The following KMT2C variants were observed in gnomAD, a reference collection of about 807,000 sequenced individuals.
KMT2C encodes lysine methyltransferase 2C.
In KMT2C, 88 loss-of-function variants were observed where a neutral mutation model predicts 507.9. The ratio of observed to expected loss-of-function variants is 0.17; its 90% CI spans 0.15 to 0.21. The LOEUF (loss-of-function observed/expected upper bound fraction) is 0.21. Ranked by LOEUF, KMT2C falls within the 10% of genes least tolerant of loss-of-function variation. KMT2C has a pLI of 1.00. For synonymous variants in KMT2C, 2,049 were observed against 2,080.8 expected (o/e 0.98, Z 0.42); for missense variants, 4,954 against 5,957.8 (o/e 0.83, Z 5.55).
intron 44 of KMT2C, 26 bp downstream of exon 44, chr7:152,158,837 G>C (rs111293424): frequency 2.1e-5 from 34 of 1,607,116 alleles, no homozygotes; most frequent in Non-Finnish European, 2.8e-5. Context: ...TTTTAAAAGA[G>C]GCTGCTCTAA....
At chr7:152,210,388 C>G (rs2094427692) in intron 23 of KMT2C, among the ~76,000 whole-genome samples, 1 of 152,214 alleles carries the variant, frequency 6.6e-6, no homozygotes, top group African/African-American at 2.4e-5. Flanking sequence ...CAGTCTCCAT[C>G]TTTAGTTCTT....
At chr7:152,285,669 C>A (rs2096284081) in intron 6 of KMT2C, among the ~76,000 whole-genome samples, 2 of 152,198 alleles carry the variant, frequency 1.3e-5, no homozygotes, top group Admixed American at 1.3e-4. Flanking sequence ...AGCAGAATAT[C>A]ATTGGCTAAA....
At chr7:152,432,546 G>A (rs918770252) in intron 1 of KMT2C, among the ~76,000 whole-genome samples, 2 of 152,134 alleles carry the variant, frequency 1.3e-5, no homozygotes, top group Non-Finnish European at 2.9e-5. Flanking sequence ...TGTGCCACTT[G>A]ACATTTGTAC....
chr7:152,435,975 TCACACACATCGGCGCGGG>T lies in KMT2C; in HGVS notation c.-207_-190del, dbSNP rs2097913477. On this transcript the variant is annotated 5_prime_UTR_variant, in exon 1 of 59. The change abolishes an upstream ATG in the 5' untranslated region. Transcript: ENST00000262189. The stretch of plus-strand genomic sequence containing the variant: ...AACATGGAGCGAGCAGGACACGCAC[TCACACACATCGGCGCGGG>T]CGCGCGCACCTCCGCGCGCAGGGGC... The T allele has an allele frequency of 2.8e-6, 1 of 362,804 alleles. No homozygotes were observed. The highest frequency in any genetic ancestry group is 5.3e-5 in the Admixed American group (1 of 18,850). The allele number at this position is 362,804 out of a possible 1,614,324, so 22.5% of individuals were successfully genotyped here.
rs2090919444 is a variant in KMT2C, at chr7:152,144,542, T to A, written c.14343+171A>T. Among the ~76,000 whole-genome samples the A allele has an allele frequency of 6.6e-6, 1 of 152,216 alleles. No individual in the cohort carries two copies. Among genetic ancestry groups the A allele is most frequent in the Admixed American group, 6.5e-5 (1 of 15,280 alleles). ...GAAGCCAATCACCAAGTCCCAAGAC[T>A]ACATATTAAATCCCTAGTGTTACCA... is the stretch of plus-strand genomic sequence containing the variant. On this transcript the variant is annotated intron_variant, in intron 55 of 58. Coordinates refer to ENST00000262189, the MANE Select transcript of KMT2C (RefSeq NM_170606.3). This position sits in a 1 kb window ranked among gnomAD's most constrained non-coding sequence, Gnocchi z 4.4.
intron 1 of KMT2C, among the ~76,000 whole-genome samples, chr7:152,381,358 A>AG (rs1287901098): frequency 3.0e-3 from 142 of 46,766 alleles, no homozygotes; most frequent in Non-Finnish European, 4.0e-3. Flanking sequence ...GGGGGCAGGG[A>AG]GGGGGGGAGG....
chr7:152,318,521 G>C (rs2096742413), intron 3 of KMT2C, among the ~76,000 whole-genome samples: 1 of 149,518 alleles, frequency 6.7e-6, no homozygotes. Flanking sequence ...CAGCTACTCG[G>C]GAGGCTGAGG....
chr7:152,360,478 C>CAA (rs201956551), intron 1 of KMT2C, among the ~76,000 whole-genome samples: 1 of 139,600 alleles, frequency 7.2e-6, no homozygotes, highest in African/African-American at 2.6e-5. Context: ...AACTCTGTCT[C>CAA]AAAAAAAAAA....
chr7:152,157,964 A>C (rs2092180518), intron 44 of KMT2C: 1 of 1,272,650 alleles, frequency 7.9e-7, no homozygotes, highest in African/African-American at 1.5e-5. Flanking sequence ...TACATGATAA[A>C]AGGAACTCAG....
At position 152,177,082 on chromosome 7, in the gene KMT2C, A is replaced by C; in HGVS notation, c.8371T>G (p.Ser2791Ala). ...IDDKLDNQCV[S>A]VEPKKKEQEN... Reference sequence around the variant, plus strand: ...TGTTCCTTTTTTTTTGGTTCAACAGATACACACTGATTATCTAACTTATCA... The same window carrying C: ...TGTTCCTTTTTTTTTGGTTCAACAGCTACACACTGATTATCTAACTTATCA... The change falls in exon 38 of 59, where the codon TCT becomes GCT. Residue 2791 changes from serine to alanine, a missense_variant. Coordinates refer to ENST00000262189, the MANE Select transcript of KMT2C (RefSeq NM_170606.3). 2 of 1,612,854 alleles carry C rather than the reference A, an allele frequency of 1.2e-6. No homozygotes were observed. Among genetic ancestry groups the C allele is most frequent in the Non-Finnish European group, 1.7e-6 (2 of 1,179,732 alleles).
chr7:152,322,585 C>T (rs968295048), intron 3 of KMT2C, among the ~76,000 whole-genome samples: 2 of 151,956 alleles, frequency 1.3e-5, no homozygotes, highest in East Asian at 1.9e-4. Context: ...TCTTATGTTT[C>T]GGATGTCAAA....
intron 51 of KMT2C, among the ~76,000 whole-genome samples, chr7:152,149,841 C>T (rs2091459676): frequency 6.6e-6 from 1 of 152,150 alleles, no homozygotes; most frequent in African/African-American, 2.4e-5. Context: ...ATGCCCCAAT[C>T]CTGACAAGGT....
intron 33 of KMT2C, among the ~76,000 whole-genome samples, chr7:152,187,016 A>G (rs1221578668): frequency 6.6e-6 from 1 of 152,186 alleles, no homozygotes. Flanking sequence ...ATTAATAAGT[A>G]CTGCTAGGAG....
chr7:152,289,259 C>G (rs2096363842), intron 6 of KMT2C, among the ~76,000 whole-genome samples: 1 of 152,142 alleles, frequency 6.6e-6, no homozygotes, highest in African/African-American at 2.4e-5. Flanking sequence ...CAGTTGGCAC[C>G]AAGCTGTATT....
At chr7:152,203,246 C>T (rs957924379) in intron 25 of KMT2C, among the ~76,000 whole-genome samples, 182 bp from the exon 26 acceptor site, 3 of 151,966 alleles carry the variant, frequency 2.0e-5, no homozygotes, top group Admixed American at 2.0e-4. Flanking sequence ...GATTTCATGT[C>T]TACTTAGTAT....
chr7:152,324,577 A>G (rs2096807555), intron 3 of KMT2C, among the ~76,000 whole-genome samples: 1 of 151,994 alleles, frequency 6.6e-6, no homozygotes, highest in Non-Finnish European at 1.5e-5. Flanking sequence ...ATAGAAAAAA[A>G]TTTGGAAGTG....
intron 43 of KMT2C, among the ~76,000 whole-genome samples, chr7:152,160,976 T>C (rs2092422927): frequency 6.6e-6 from 1 of 152,130 alleles, no homozygotes; most frequent in Non-Finnish European, 1.5e-5. Flanking sequence ...AAGATAAAAA[T>C]ATATTGTCCA....
rs1476543028 is a variant in KMT2C, at chr7:152,346,907, A to G, written c.250+11680T>C. On this transcript the variant is annotated intron_variant, in intron 2 of 58. Transcript: ENST00000262189. ...TCTGGGAGGCCGAGGCGGGCGGATC[A>G]GGAGGTCAGGAGATAAGAGACCATC... is the stretch of plus-strand genomic sequence containing the variant. Among the ~76,000 whole-genome samples the G allele has an allele frequency of 6.6e-5, 10 of 151,684 alleles. No individual in the cohort carries two copies. The East Asian group carries it at 1.5e-3, about 23-fold the overall frequency.
At chr7:152,405,442 G>A (rs1408517921) in intron 1 of KMT2C, among the ~76,000 whole-genome samples, 223 of 140,264 alleles carry the variant, frequency 1.6e-3, no homozygotes, top group Middle Eastern at 4.0e-3. Flanking sequence ...ATGGGGTTTC[G>A]CCATGTTAGC....
Sources: allele counts gnomAD v4.1 joint callset (sites outside exome capture counted in the v4.1 genomes callset), GRCh38; gene constraint gnomAD v4.1.1; non-coding constraint Gnocchi (gnomAD v3.1); transcripts MANE v1.5; gene names NCBI Gene and HGNC (gene_info 2026-07-23, HGNC 2026-07-21).